The following CRY1 variants were observed in gnomAD, a reference collection of about 807,000 sequenced individuals.
CRY1 encodes the protein cryptochrome-1.
A neutral mutation model predicts 76.0 loss-of-function variants in CRY1; 45 were observed. The observed-to-expected ratio is 0.59, with a 90% CI of 0.47 to 0.76. The LOEUF (loss-of-function observed/expected upper bound fraction) is 0.76, where lower values mean the gene tolerates loss of function less well. CRY1 is among the 30% of genes least tolerant of loss of function. The pLI, the probability that CRY1 is intolerant of heterozygous loss-of-function variation, is 0.00. For synonymous variants in CRY1, 248 were observed against 244.0 expected (o/e 1.02, Z -0.15); for missense variants, 587 against 716.4 (o/e 0.82, Z 2.06).
At chr12:107,080,649 T>TA (rs556057310) in intron 1 of CRY1, among the ~76,000 whole-genome samples, 1,754 of 150,064 alleles carry the variant, frequency 0.012, 22 homozygotes, top group African/African-American at 0.037. Context: ...CAAACATTGT[T>TA]AAAAAAAAAT....
chr12:107,067,206 C>A (rs1953123196), intron 1 of CRY1, among the ~76,000 whole-genome samples: 1 of 151,724 alleles, frequency 6.6e-6, no homozygotes, highest in Non-Finnish European at 1.5e-5. Context: ...TAAAGGGCTG[C>A]ATAAAAAAAA....
intron 1 of CRY1, among the ~76,000 whole-genome samples, chr12:107,081,466 T>C (rs1451147557): frequency 6.6e-6 from 1 of 152,062 alleles, no homozygotes; most frequent in Admixed American, 6.6e-5. Flanking sequence ...TCTCACATTC[T>C]GCTTTATTTC....
intron 1 of CRY1, among the ~76,000 whole-genome samples, chr12:107,065,541 G>A (rs914985603): frequency 6.6e-6 from 1 of 152,076 alleles, no homozygotes; most frequent in Non-Finnish European, 1.5e-5. Flanking sequence ...GTTGCAGTGA[G>A]CTGAGATTGC....
At chr12:107,023,978 T>A (rs951401503) in intron 1 of CRY1, among the ~76,000 whole-genome samples, 1 of 152,234 alleles carries the variant, frequency 6.6e-6, no homozygotes, top group Non-Finnish European at 1.5e-5. Context: ...TCTAATTTTA[T>A]GTATTTGCTT....
chr12:107,039,440 A>G (rs911479793), intron 1 of CRY1, among the ~76,000 whole-genome samples: 5 of 152,226 alleles, frequency 3.3e-5, no homozygotes, highest in African/African-American at 1.2e-4. Context: ...TAAGGAGTAA[A>G]TTTCCAAAAT....
intron 1 of CRY1, among the ~76,000 whole-genome samples, chr12:107,026,769 GTTTTTTTTTTT>G (rs66881305): frequency 1.5e-5 from 2 of 134,196 alleles, no homozygotes; most frequent in African/African-American, 5.5e-5. Context: ...AATAATTCCT[GTTTTTTTTTTT>G]TTTTTTTTTT....
intron 7 of CRY1, among the ~76,000 whole-genome samples, chr12:106,998,693 AG>A (rs1593492253): frequency 6.2e-5 from 5 of 80,524 alleles, no homozygotes; most frequent in South Asian, 4.5e-4. Context: ...CACACACACA[AG>A]CTCAGAAATG....
intron 1 of CRY1, among the ~76,000 whole-genome samples, chr12:107,067,953 A>C (rs1205931315): frequency 6.6e-6 from 1 of 152,214 alleles, no homozygotes; most frequent in South Asian, 2.1e-4. Flanking sequence ...ATCTGAATTT[A>C]TCTCTAGATT....
chr12:107,061,201 T>C (rs1029382355), intron 1 of CRY1, among the ~76,000 whole-genome samples: 2 of 152,084 alleles, frequency 1.3e-5, no homozygotes, highest in African/African-American at 4.8e-5. Context: ...AAACATATTT[T>C]AATTAATAAT....
chr12:107,032,509 GACACAC>G (rs71076712), intron 1 of CRY1, among the ~76,000 whole-genome samples: 1 of 150,786 alleles, frequency 6.6e-6, no homozygotes, highest in Non-Finnish European at 1.5e-5. Flanking sequence ...AACTGTTACA[GACACAC>G]ACACACACAC....
chr12:107,068,675 C>G (rs934431524), intron 1 of CRY1, among the ~76,000 whole-genome samples: 17 of 152,164 alleles, frequency 1.1e-4, no homozygotes, highest in African/African-American at 3.6e-4. Flanking sequence ...TCACCTCTAT[C>G]TAGTTCCAAA....
chr12:107,085,485 A>C (rs894724015), intron 1 of CRY1, among the ~76,000 whole-genome samples: 1 of 152,192 alleles, frequency 6.6e-6, no homozygotes, highest in Non-Finnish European at 1.5e-5. Context: ...AAGCAGCCAT[A>C]AAAAAGAATG....
At position 107,002,221 on chromosome 12, in the gene CRY1, C is replaced by T. The variant is rs535556540; in HGVS notation, c.411-273G>A. Among the ~76,000 whole-genome samples, 6 of 152,060 alleles carry T rather than the reference C, an allele frequency of 3.9e-5. No individual in the cohort carries two copies. In the South Asian group the frequency reaches 1.2e-3, roughly 32 times the overall value. Reference sequence around the variant, plus strand: ...CCTTTAAGACAAAGAATATTAAAAACTTATGAGAGGAAAAAACAAGTAAGA... The same window carrying T: ...CCTTTAAGACAAAGAATATTAAAAATTTATGAGAGGAAAAAACAAGTAAGA... On this transcript the variant is annotated intron_variant, in intron 3 of 12. Transcript: ENST00000008527.
chr12:107,035,443 T>C (rs1465752914), intron 1 of CRY1, among the ~76,000 whole-genome samples: 1 of 152,194 alleles, frequency 6.6e-6, no homozygotes, highest in Non-Finnish European at 1.5e-5. Context: ...ATGATAATTA[T>C]GATGATAATG....
rs531948917 is a variant in CRY1, at chr12:107,033,847, C to T, written c.159-11655G>A. Reference sequence around the variant, plus strand: ...ACAAAGATGCCTACTCCCACCGCTTCTCTATGCAATCTAGTAGGCCTAACT... The same window carrying T: ...ACAAAGATGCCTACTCCCACCGCTTTTCTATGCAATCTAGTAGGCCTAACT... On this transcript the variant is annotated intron_variant, in intron 1 of 12. Coordinates refer to ENST00000008527, the MANE Select transcript of CRY1 (RefSeq NM_004075.5). Among the ~76,000 whole-genome samples the T allele has an allele frequency of 3.3e-5, 5 of 149,276 alleles. No homozygotes were observed. In the East Asian group the frequency reaches 9.7e-4, roughly 29 times the overall value.
intron 10 of CRY1, among the ~76,000 whole-genome samples, chr12:106,994,809 C>T (rs1445840935): frequency 6.6e-6 from 1 of 152,172 alleles, no homozygotes; most frequent in African/African-American, 2.4e-5. Flanking sequence ...GAGCTTCTGT[C>T]CCTCACTCAT....
At chr12:107,043,501 G>A (rs1032570905) in intron 1 of CRY1, among the ~76,000 whole-genome samples, 2 of 152,110 alleles carry the variant, frequency 1.3e-5, no homozygotes, top group African/African-American at 4.8e-5. Flanking sequence ...AGGTGCCTTG[G>A]CTGAGCCGAG....
At chr12:106,998,416 A>T (rs1213999474) in intron 7 of CRY1, among the ~76,000 whole-genome samples, 4 of 152,194 alleles carry the variant, frequency 2.6e-5, no homozygotes, top group Non-Finnish European at 5.9e-5. Flanking sequence ...CACTTTCAAG[A>T]AAGCAAAAAT....
intron 5 of CRY1, among the ~76,000 whole-genome samples, chr12:107,000,797 AC>A (rs757294691): frequency 6.0e-5 from 9 of 150,958 alleles, no homozygotes; most frequent in Non-Finnish European, 1.3e-4. Flanking sequence ...TTAAAGGCAC[AC>A]ACCACCACCC....
Sources: gnomAD v4.1 joint callset for allele counts (sites outside exome capture counted in the v4.1 genomes callset) on GRCh38, gnomAD v4.1.1 for gene constraint, MANE v1.5 for transcripts, NCBI Gene and HGNC (gene_info 2026-07-23, HGNC 2026-07-21) for gene names.